The following CATSPER3 variants were observed in gnomAD, a reference collection of about 807,000 sequenced individuals.
CATSPER3 encodes the protein cation channel sperm associated 3.
In CATSPER3, 23 loss-of-function variants were observed where a neutral mutation model predicts 36.6. The observed-to-expected ratio is 0.63, with a 90% CI of 0.45 to 0.89. The LOEUF (loss-of-function observed/expected upper bound fraction) is 0.89, where lower values mean the gene tolerates loss of function less well. Ranked by LOEUF, CATSPER3 falls within the 40% of genes least tolerant of loss-of-function variation. The pLI is 0.00. For synonymous variants in CATSPER3, 172 were observed against 184.1 expected (o/e 0.93, Z 0.53); for missense variants, 474 against 503.9 (o/e 0.94, Z 0.57).
chr5:134,974,753 G>A (rs537960132), intron 2 of CATSPER3, among the ~76,000 whole-genome samples: 2 of 152,316 alleles, frequency 1.3e-5, no homozygotes, highest in Admixed American at 6.5e-5. Context: ...AAATGTGTCA[G>A]ATCCACTTGG....
chr5:134,993,832 C>T (rs570890838), intron 2 of CATSPER3, among the ~76,000 whole-genome samples: 1 of 152,234 alleles, frequency 6.6e-6, no homozygotes, highest in Non-Finnish European at 1.5e-5. Context: ...TAATTATAAA[C>T]ATATAAAACT....
chr5:134,970,198 C>A, intron 2 of CATSPER3, 106 bp downstream of exon 2: 1 of 1,133,648 alleles, frequency 8.8e-7, no homozygotes, highest in Non-Finnish European at 1.3e-6. Flanking sequence ...CTCACTCTGT[C>A]AGGCTGGAGT....
At chr5:134,981,487 A>G (rs1751750204) in intron 2 of CATSPER3, among the ~76,000 whole-genome samples, 1 of 152,176 alleles carries the variant, frequency 6.6e-6, no homozygotes, top group Admixed American at 6.5e-5. Flanking sequence ...CTCTGTCTCA[A>G]AAAATAAATA....
chr5:134,976,187 C>T (rs767481609), intron 2 of CATSPER3, among the ~76,000 whole-genome samples: 4 of 152,080 alleles, frequency 2.6e-5, no homozygotes, highest in Non-Finnish European at 4.4e-5. Context: ...GCAGGCTGTA[C>T]AGGAAGCATA....
Position 135,011,545 on chromosome 5 carries a change from C to T in CATSPER3, c.1119C>T (p.Ile373=), listed in dbSNP as rs774146379. 15 of 1,613,628 alleles carry T rather than the reference C, an allele frequency of 9.3e-6. No individual in the cohort carries two copies. Among genetic ancestry groups the T allele is most frequent in the Admixed American group, 1.7e-5 (1 of 59,992 alleles). The change falls in exon 8 of 8, where the codon ATC becomes ATT. Residue 373 remains isoleucine (I), a synonymous_variant. Transcript: ENST00000282611. ...GGCTTCAAGAGCTGTACTATGAGAT[C>T]GTGCATGTGCTGAGCCTAATGCTGG... ...VHKLQELYYE[I]VHVLSLMLED...
intron 3 of CATSPER3, among the ~76,000 whole-genome samples, chr5:134,999,185 G>T (rs57253624): frequency 0.12 from 18,747 of 150,960 alleles, 3,358 homozygotes; most frequent in African/African-American, 0.4. Context: ...TTTCCCCATT[G>T]CTTGTTTTTC....
chr5:134,984,414 G>T (rs1264450611), intron 2 of CATSPER3, among the ~76,000 whole-genome samples: 1 of 151,980 alleles, frequency 6.6e-6, no homozygotes, highest in Admixed American at 6.6e-5. Flanking sequence ...GGAACTCAAA[G>T]AAATTAGAAA....
chr5:135,011,641 A>G lies in CATSPER3; in HGVS notation c.*18A>G, dbSNP rs916694129. ...AGAAGTAGCTGGGCATGGGGCACCC[A>G]TGTGCCGAGAGCCTTGCAGACCATG... On this transcript the variant is annotated 3_prime_UTR_variant, in exon 8 of 8. Coordinates refer to ENST00000282611, the MANE Select transcript of CATSPER3 (RefSeq NM_178019.3). The G allele has an allele frequency of 1.9e-6, 3 of 1,559,950 alleles. No individual in the cohort carries two copies. Among genetic ancestry groups the G allele is most frequent in the Non-Finnish European group, 2.7e-6 (3 of 1,132,072 alleles).
rs757144500 is a variant in CATSPER3 at position 134,969,939 on chromosome 5, G to T, written c.99G>T (p.Lys33Asn). ...TACTTCACATTCAACTTTTTGACAG[G>T]AGGAACGATGATGAATGTCGGGCAT... is the stretch of plus-strand genomic sequence containing the variant. ...VGFCPTFKKF[K>N]RNDDECRAFV... The change falls in exon 2 of 8, where the codon AAG becomes AAT. Residue 33 changes from lysine (K) to asparagine (N), a missense_variant and splice_region_variant. Coordinates refer to ENST00000282611, the MANE Select transcript of CATSPER3 (RefSeq NM_178019.3). The T allele has an allele frequency of 6.2e-7, 1 of 1,614,076 alleles. No homozygotes were observed. The highest frequency in any genetic ancestry group is 2.2e-5 in the East Asian group (1 of 44,870).
Position 134,969,936 on chromosome 5 carries a change from CAGG to C in CATSPER3, c.101_103del (p.Arg34del), listed in dbSNP as rs1175669789. ...CCATACTTCACATTCAACTTTTTGA[CAGG>C]AGGAACGATGATGAATGTCGGGCAT... On this transcript the variant is annotated splice_acceptor_variant and coding_sequence_variant, in exon 2 of 8. Transcript: ENST00000282611. LOFTEE classifies it high-confidence loss of function. The C allele has an allele frequency of 6.2e-7, 1 of 1,613,868 alleles. No individual in the cohort carries two copies. The highest frequency in any genetic ancestry group is 8.5e-7 in the Non-Finnish European group (1 of 1,179,966).
intron 2 of CATSPER3, among the ~76,000 whole-genome samples, chr5:134,986,616 C>G (rs7726894): frequency 0.038 from 5,719 of 151,734 alleles, 350 homozygotes; most frequent in African/African-American, 0.13. Flanking sequence ...TGCATGCCAC[C>G]GCGCCCAGCT....
intron 2 of CATSPER3, among the ~76,000 whole-genome samples, chr5:134,987,704 T>A (rs941091444): frequency 2.6e-5 from 4 of 151,970 alleles, no homozygotes; most frequent in Non-Finnish European, 5.9e-5. Context: ...AGGAAAAAAA[T>A]TCACCTTAGT....
intron 3 of CATSPER3, among the ~76,000 whole-genome samples, chr5:135,002,699 C>T (rs562711592): frequency 3.7e-4 from 57 of 152,288 alleles, no homozygotes; most frequent in African/African-American, 1.3e-3. Flanking sequence ...TCATTTCATT[C>T]ATTTGATCTT....
At chr5:134,978,010 AT>A (rs1365233320) in intron 2 of CATSPER3, among the ~76,000 whole-genome samples, 2 of 152,162 alleles carry the variant, frequency 1.3e-5, no homozygotes, top group Admixed American at 6.5e-5. Context: ...GTGCTAAACC[AT>A]TCATAAGGGA....
chr5:134,972,872 AAG>A (rs759374907), intron 2 of CATSPER3, among the ~76,000 whole-genome samples: 8 of 152,316 alleles, frequency 5.3e-5, no homozygotes, highest in South Asian at 2.1e-4. Context: ...TTTTAAAGGA[AAG>A]AGGGGGTGAA....
At chr5:134,981,452 C>G (rs1751749735) in intron 2 of CATSPER3, among the ~76,000 whole-genome samples, 2 of 152,100 alleles carry the variant, frequency 1.3e-5, no homozygotes, top group African/African-American at 4.8e-5. Context: ...TGCCACTGCA[C>G]TCTAGCCTGG....
Position 135,009,440 on chromosome 5 carries a change from G to A in CATSPER3, c.886G>A (p.Val296Met), listed in dbSNP as rs1406544179. The change falls in exon 6 of 8, where the codon GTG becomes ATG. Residue 296 changes from valine to methionine, a missense_variant. By Grantham distance (21) the Val-to-Met change is conservative. Transcript: ENST00000282611. ...QQEMLMGEKQ[V>M]ILQRQQEEIS... The stretch of plus-strand genomic sequence containing the variant: ...GGAGATGCTCATGGGAGAGAAGCAG[G>A]TGATTCTGCAGCGGCAGCAGGAGGA... 1 of 1,613,240 alleles carries A rather than the reference G, an allele frequency of 6.2e-7. No individual in the cohort carries two copies. The highest frequency in any genetic ancestry group is 1.7e-5 in the Admixed American group (1 of 60,030).
chr5:135,002,541 A>C (rs932440078), intron 3 of CATSPER3, among the ~76,000 whole-genome samples: 7 of 152,172 alleles, frequency 4.6e-5, no homozygotes, highest in Admixed American at 2.0e-4. Flanking sequence ...TCCCCTGGAT[A>C]ATATCCTGCA....
At chr5:135,006,347 A>C (rs898778430) in intron 3 of CATSPER3, among the ~76,000 whole-genome samples, 3 of 152,130 alleles carry the variant, frequency 2.0e-5, no homozygotes, top group African/African-American at 7.2e-5. Context: ...TGGAGGTGGG[A>C]GGCCCAACCA....
Sources: gnomAD v4.1 joint callset for allele counts (sites outside exome capture counted in the v4.1 genomes callset) on GRCh38, gnomAD v4.1.1 for gene constraint, MANE v1.5 for transcripts, NCBI Gene and HGNC (gene_info 2026-07-23, HGNC 2026-07-21) for gene names.